DNAJC1: variants seen among roughly 807,000 people sequenced by gnomAD.
DNAJC1 encodes dnaJ homolog subfamily C member 1.
A neutral mutation model predicts 76.6 loss-of-function variants in DNAJC1; 58 were observed. That is an observed-to-expected ratio of 0.76 (90% CI 0.61 to 0.94). The LOEUF (loss-of-function observed/expected upper bound fraction) is 0.94, where lower values mean the gene tolerates loss of function less well. Among genes scored for constraint, DNAJC1 ranks in the 40% least tolerant of loss-of-function variants. The pLI, the probability that DNAJC1 is intolerant of heterozygous loss-of-function variation, is 0.00. For missense variants in DNAJC1, 689 were observed against 677.3 expected (o/e 1.02, Z -0.19); for synonymous variants, 258 against 267.9 (o/e 0.96, Z 0.36).
At position 22,003,262 on chromosome 10, in the gene DNAJC1, A is replaced by G. The variant is rs374045563; in HGVS notation, c.173T>C (p.Leu58Ser). The G allele has an allele frequency of 4.5e-6, 7 of 1,563,014 alleles. No homozygotes were observed. The highest frequency in any genetic ancestry group is 1.4e-5 in the African/African-American group (1 of 71,292). Reference protein sequence around the residue: ...WESGDLELFDLVEEVQLNFYQ... With the variant: ...WESGDLELFDSVEEVQLNFYQ... ...GAAGTTGAGCTGCACCTCCTCCACTAAGTCAAACAACTCCAGGTCTCCGCT... is the reference window on the plus strand; with the variant it reads ...GAAGTTGAGCTGCACCTCCTCCACTGAGTCAAACAACTCCAGGTCTCCGCT... The change falls in exon 1 of 12, where the codon TTA becomes TCA. Residue 58 changes from leucine (L) to serine (S), a missense_variant. Coordinates refer to ENST00000376980, the MANE Select transcript of DNAJC1 (RefSeq NM_022365.4).
intron 1 of DNAJC1, among the ~76,000 whole-genome samples, chr10:21,988,799 C>G (rs4748777): frequency 0.73 from 111,249 of 152,052 alleles, 41,276 homozygotes; most frequent in East Asian, 0.98. Flanking sequence ...ATGAAATTAT[C>G]TGCATATAAT....
chr10:21,819,693 G>A (rs1443884944), intron 8 of DNAJC1, among the ~76,000 whole-genome samples: 5 of 152,128 alleles, frequency 3.3e-5, no homozygotes, highest in Non-Finnish European at 5.9e-5. Flanking sequence ...ACTTTGGGAG[G>A]CTGAGGCGGG....
chr10:21,835,963 G>C (rs1835446444), intron 8 of DNAJC1, among the ~76,000 whole-genome samples: 1 of 152,092 alleles, frequency 6.6e-6, no homozygotes, highest in Non-Finnish European at 1.5e-5. Context: ...TCAAATTCAG[G>C]AAATACAGAG....
At chr10:21,880,096 A>T (rs1027675050) in intron 8 of DNAJC1, among the ~76,000 whole-genome samples, 5 of 152,214 alleles carry the variant, frequency 3.3e-5, no homozygotes, top group African/African-American at 1.2e-4. Context: ...CTCAAGAACC[A>T]CTTTCTTTGT....
chr10:21,997,782 T>C (rs1838443584), intron 1 of DNAJC1, among the ~76,000 whole-genome samples: 2 of 152,190 alleles, frequency 1.3e-5, no homozygotes, highest in Non-Finnish European at 2.9e-5. Context: ...TATAAGCACA[T>C]CCCTGTTCTT....
chr10:21,882,833 A>G (rs1353510441), intron 7 of DNAJC1, among the ~76,000 whole-genome samples: 3 of 152,186 alleles, frequency 2.0e-5, no homozygotes, highest in African/African-American at 4.8e-5. Flanking sequence ...TCATCTATAA[A>G]AAAAACCTGG....
At chr10:21,941,413 C>A (rs1487483057) in intron 1 of DNAJC1, among the ~76,000 whole-genome samples, 10 of 151,860 alleles carry the variant, frequency 6.6e-5, no homozygotes, top group Non-Finnish European at 1.2e-4. Context: ...CTACTAGACG[C>A]TGTTAAGGAA....
chr10:21,816,443 C>T (rs1835077914), intron 8 of DNAJC1, among the ~76,000 whole-genome samples: 1 of 149,374 alleles, frequency 6.7e-6, no homozygotes, highest in African/African-American at 2.5e-5. Context: ...TGCAGTGGCT[C>T]ATGCCTGTGA....
intron 8 of DNAJC1, among the ~76,000 whole-genome samples, chr10:21,828,877 T>C (rs888595983): frequency 6.6e-6 from 1 of 152,222 alleles, no homozygotes; most frequent in African/African-American, 2.4e-5. Context: ...TCAGGAATTT[T>C]TTCTCTATAT....
chr10:21,976,729 C>G (rs1333473104), intron 1 of DNAJC1, among the ~76,000 whole-genome samples: 3 of 152,190 alleles, frequency 2.0e-5, no homozygotes, highest in Non-Finnish European at 4.4e-5. Context: ...TTTCTCAGCT[C>G]TTCCCACTAA....
At chr10:21,998,907 T>C (rs528207650) in intron 1 of DNAJC1, among the ~76,000 whole-genome samples, 2 of 152,314 alleles carry the variant, frequency 1.3e-5, no homozygotes, top group South Asian at 4.1e-4. Context: ...CTATGTGCCT[T>C]ACTATGAAGA....
rs780398329 is a variant in DNAJC1 at position 21,935,937 on chromosome 10, A to T, written c.223-6796T>A. On this transcript the variant is annotated intron_variant, in intron 1 of 11. Transcript: ENST00000376980. ...AATTCATTGCTAGTAGATATGCTTT[A>T]TAAGAAATGCTATAAGGAGTCCTTC... Among the ~76,000 whole-genome samples, 234 of 152,226 alleles carry T rather than the reference A, an allele frequency of 1.5e-3. 1 individual carries two copies. The highest frequency in any genetic ancestry group is 2.5e-3 in the Non-Finnish European group (168 of 68,028).
chr10:21,827,077 T>C (rs1179059526), intron 8 of DNAJC1, among the ~76,000 whole-genome samples: 3 of 152,156 alleles, frequency 2.0e-5, no homozygotes, highest in African/African-American at 4.8e-5. Context: ...TTCCAATCCA[T>C]GAACATAAGA....
At chr10:21,779,442 T>G (rs1834498728) in intron 9 of DNAJC1, among the ~76,000 whole-genome samples, 1 of 152,122 alleles carries the variant, frequency 6.6e-6, no homozygotes, top group Admixed American at 6.5e-5. Flanking sequence ...TTCTGCAATA[T>G]CCGCTGTTCT....
intron 3 of DNAJC1, among the ~76,000 whole-genome samples, chr10:21,928,125 G>T (rs1029248411): frequency 6.6e-6 from 1 of 152,070 alleles, no homozygotes; most frequent in African/African-American, 2.4e-5. Flanking sequence ...TTTAAGGAAT[G>T]GGGGGGAAAA....
At chr10:21,813,175 C>CTCTCTCTCTCT (rs1835005426) in intron 8 of DNAJC1, among the ~76,000 whole-genome samples, 1 of 28,298 alleles carries the variant, frequency 3.5e-5, no homozygotes, top group African/African-American at 1.7e-4. Flanking sequence ...TCTCTCTCTC[C>CTCTCTCTCTCT]CTCTCTCTCT....
intron 8 of DNAJC1, among the ~76,000 whole-genome samples, chr10:21,837,614 G>A (rs1433163693): frequency 4.0e-5 from 6 of 151,404 alleles, no homozygotes; most frequent in African/African-American, 1.5e-4. Flanking sequence ...CATCTGAGAA[G>A]TGAGGAGCCC....
At chr10:21,860,934 A>G (rs969205143) in intron 8 of DNAJC1, 2 of 152,268 alleles carry the variant, frequency 1.3e-5, no homozygotes, top group Non-Finnish European at 2.9e-5. Flanking sequence ...TACAAATTCA[A>G]TGAGAAAGAG....
At chr10:21,777,460 G>T (rs1024034304) in intron 9 of DNAJC1, among the ~76,000 whole-genome samples, 1 of 152,136 alleles carries the variant, frequency 6.6e-6, no homozygotes, top group Non-Finnish European at 1.5e-5. Context: ...ATTCAAAAGG[G>T]TACCTGTGAG....
Sources: allele counts gnomAD v4.1 joint callset (sites outside exome capture counted in the v4.1 genomes callset), GRCh38; gene constraint gnomAD v4.1.1; transcripts MANE v1.5; gene names NCBI Gene and HGNC (gene_info 2026-07-23, HGNC 2026-07-21).